Variants in MALRD1 observed in about 807,000 individuals in gnomAD.
The protein encoded by MALRD1 is MAM and LDL receptor class A domain containing 1.
MALRD1 carries 247 observed loss-of-function variants against 242.1 expected under a neutral mutation model. The ratio of observed to expected loss-of-function variants is 1.02; its 90% CI spans 0.92 to 1.13. MALRD1 has a LOEUF of 1.13. Ranked by LOEUF, MALRD1 falls within the 50% of genes most tolerant of loss-of-function variation. MALRD1 has a pLI of 0.00. For synonymous variants in MALRD1, 995 were observed against 866.6 expected (o/e 1.15, Z -2.60); for missense variants, 2,989 against 2,533.1 (o/e 1.18, Z -3.86).
chr10:19,693,252 G>A (rs1454817450), intron 38 of MALRD1, among the ~76,000 whole-genome samples: 14 of 151,842 alleles, frequency 9.2e-5, no homozygotes, highest in Non-Finnish European at 1.3e-4. Context: ...AAGAAAGAAA[G>A]GGTATTCAAT....
At chr10:19,383,720 T>G (rs1221437263) in intron 26 of MALRD1, among the ~76,000 whole-genome samples, 1 of 152,048 alleles carries the variant, frequency 6.6e-6, no homozygotes. Flanking sequence ...TATTTACATG[T>G]GATGATCAAA....
rs368939296 is a variant in MALRD1, at chr10:19,426,572, T to C, written c.4846-23735T>C. Among the ~76,000 whole-genome samples, 7 of 152,136 alleles carry C rather than the reference T, an allele frequency of 4.6e-5. No homozygotes were observed. The South Asian group carries it at 1.2e-3, about 27-fold the overall frequency. On this transcript the variant is annotated intron_variant, in intron 28 of 39. Coordinates refer to ENST00000454679, the MANE Select transcript of MALRD1 (RefSeq NM_001142308.3). The stretch of plus-strand genomic sequence containing the variant: ...ATCCCAGCACTTTGGGAGGTTGAGG[T>C]GGGTGAATCATTTGAGGTCAGGAGT...
chr10:19,199,617 A>G (rs1376375012), intron 14 of MALRD1, among the ~76,000 whole-genome samples: 4 of 152,058 alleles, frequency 2.6e-5, no homozygotes, highest in Admixed American at 6.6e-5. Flanking sequence ...CCTGGCCAAC[A>G]TGGCAAAACC....
intron 32 of MALRD1, among the ~76,000 whole-genome samples, chr10:19,536,874 G>T (rs553613381): frequency 6.6e-6 from 1 of 152,252 alleles, no homozygotes; most frequent in East Asian, 1.9e-4. Flanking sequence ...AAAGTTTCCT[G>T]TGATAATTAC....
intron 20 of MALRD1, among the ~76,000 whole-genome samples, chr10:19,281,678 A>C (rs1840817248): frequency 6.6e-6 from 1 of 152,164 alleles, no homozygotes; most frequent in Non-Finnish European, 1.5e-5. Context: ...TTGTGATAAA[A>C]ACACATAACA....
chr10:19,649,835 C>T (rs1054669572), intron 36 of MALRD1, among the ~76,000 whole-genome samples: 2 of 152,084 alleles, frequency 1.3e-5, no homozygotes, highest in Non-Finnish European at 2.9e-5. Flanking sequence ...CCTAGCTTGT[C>T]TTCCAGGGTT....
intron 28 of MALRD1, among the ~76,000 whole-genome samples, chr10:19,400,142 A>G (rs1212410230): frequency 1.3e-5 from 2 of 152,214 alleles, no homozygotes; most frequent in African/African-American, 4.8e-5. Context: ...TTGTGAGTTT[A>G]AAGTGGGCTT....
intron 30 of MALRD1, among the ~76,000 whole-genome samples, chr10:19,493,645 T>TAA (rs758905906): frequency 0.044 from 5,395 of 121,938 alleles, 163 homozygotes; most frequent in Middle Eastern, 0.081. Flanking sequence ...CCGTCTCTAC[T>TAA]AAAAAAAAAA....
At chr10:19,430,328 C>T (rs1233240172) in intron 28 of MALRD1, among the ~76,000 whole-genome samples, 5 of 151,546 alleles carry the variant, frequency 3.3e-5, no homozygotes, top group Admixed American at 2.0e-4. Flanking sequence ...CTGTGTTAGC[C>T]AGGATGGTCT....
At chr10:19,298,487 G>T (rs1564540723) in intron 21 of MALRD1, among the ~76,000 whole-genome samples, 1 of 151,788 alleles carries the variant, frequency 6.6e-6, no homozygotes, top group Admixed American at 6.6e-5. Context: ...CAAAGGGAAA[G>T]AAAGGGAAGG....
intron 31 of MALRD1, among the ~76,000 whole-genome samples, chr10:19,509,549 C>T (rs137893917): frequency 1.3e-5 from 2 of 152,230 alleles, no homozygotes; most frequent in Non-Finnish European, 2.9e-5. Context: ...GAGGTTGATG[C>T]AAACCTTGGG....
chr10:19,650,584 CATA>C (rs1194159206), intron 36 of MALRD1, among the ~76,000 whole-genome samples: 1 of 151,854 alleles, frequency 6.6e-6, no homozygotes, highest in Non-Finnish European at 1.5e-5. Context: ...GAGTAAGAGA[CATA>C]ATAATAGCAA....
intron 38 of MALRD1, among the ~76,000 whole-genome samples, chr10:19,718,596 G>A (rs558499): frequency 0.36 from 54,321 of 151,954 alleles, 11,220 homozygotes; most frequent in Admixed American, 0.46. Context: ...ATTAGGGATC[G>A]CATTTCATCA....
At chr10:19,155,195 C>T (rs956201574) in intron 12 of MALRD1, 23 bp downstream of exon 12, 7 of 1,206,310 alleles carry the variant, frequency 5.8e-6, no homozygotes, top group Middle Eastern at 6.3e-4. Context: ...TCTGAATTTC[C>T]ACTGGCCATT....
chr10:19,478,421 C>A (rs1370121595), intron 29 of MALRD1, among the ~76,000 whole-genome samples: 1 of 152,144 alleles, frequency 6.6e-6, no homozygotes, highest in Non-Finnish European at 1.5e-5. Context: ...TCTGTGCACT[C>A]CCCTCTCAAT....
intron 28 of MALRD1, among the ~76,000 whole-genome samples, chr10:19,395,419 G>A (rs758573022): frequency 2.6e-5 from 4 of 152,276 alleles, no homozygotes; most frequent in Non-Finnish European, 2.9e-5. Flanking sequence ...GGAACTACTC[G>A]AACTGGGGAG....
At chr10:19,709,243 T>TAAAAAAAAAAAAAAAAAAAAAA (rs557818453) in intron 38 of MALRD1, among the ~76,000 whole-genome samples, 3 of 105,972 alleles carry the variant, frequency 2.8e-5, no homozygotes, top group African/African-American at 1.1e-4. Flanking sequence ...CCGTCTGTAC[T>TAAAAAAAAAAAAAAAAAAAAAA]AAAAAAAAAA....
At position 19,165,759 on chromosome 10, in the gene MALRD1, C is replaced by A; in HGVS notation, c.1779C>A (p.His593Gln). 1.6e-6 allele frequency: 2 copies of A among 1,231,606 alleles called. No homozygotes were observed. Among genetic ancestry groups the A allele is most frequent in the African/African-American group, 1.5e-5 (1 of 64,524 alleles). 76.3% of individuals were successfully genotyped at this position (1,231,606 alleles called of 1,614,324 possible). ...IIRFSESQWS[H>Q]AKIDLIAEAG... ...GATTCTCCGAATCTCAGTGGAGCCACGCAAAAATTGATCTCATTGCAGAAG... is the reference window on the plus strand; with the variant it reads ...GATTCTCCGAATCTCAGTGGAGCCAAGCAAAAATTGATCTCATTGCAGAAG... The change falls in exon 13 of 40, where the codon CAC becomes CAA. Residue 593 changes from histidine (H) to glutamine (Q), a missense_variant. Coordinates refer to ENST00000454679, the MANE Select transcript of MALRD1 (RefSeq NM_001142308.3).
At chr10:19,591,659 G>A (rs1263131871) in intron 33 of MALRD1, among the ~76,000 whole-genome samples, 4 of 152,034 alleles carry the variant, frequency 2.6e-5, no homozygotes, top group Non-Finnish European at 5.9e-5. Flanking sequence ...CCACCACGCA[G>A]GCTAATTTTT....
Sources: gnomAD v4.1 joint callset for allele counts (sites outside exome capture counted in the v4.1 genomes callset) on GRCh38, gnomAD v4.1.1 for gene constraint, MANE v1.5 for transcripts, NCBI Gene and HGNC (gene_info 2026-07-23, HGNC 2026-07-21) for gene names.